Variants in VWCE observed in about 807,000 individuals in gnomAD.
VWCE encodes von Willebrand factor C and EGF domains.
A neutral mutation model predicts 102.9 loss-of-function variants in VWCE; 68 were observed. The ratio of observed to expected loss-of-function variants is 0.66; its 90% CI spans 0.54 to 0.81. VWCE has a LOEUF of 0.81. Ranked by LOEUF, VWCE falls within the 30% of genes least tolerant of loss-of-function variation. VWCE has a pLI of 0.00. For synonymous variants in VWCE, 497 were observed against 515.4 expected (o/e 0.96, Z 0.48); for missense variants, 1,137 against 1,263.6 (o/e 0.90, Z 1.52).
intron 14 of VWCE, 91 bp downstream of exon 14, chr11:61,271,584 C>A: frequency 1.5e-6 from 2 of 1,307,686 alleles, no homozygotes; most frequent in Admixed American, 4.0e-5. Context: ...CAGCCTGAGG[C>A]CAGCCTCTGG....
intron 11 of VWCE, 126 bp from the exon 12 acceptor site, chr11:61,274,710 C>T: frequency 5.8e-6 from 4 of 691,450 alleles, no homozygotes; most frequent in Non-Finnish European, 9.6e-6. Context: ...ACAGCATGCT[C>T]CGTGCCCAGG....
intron 15 of VWCE, 114 bp from the exon 16 acceptor site, chr11:61,267,658 C>G: frequency 1.1e-6 from 1 of 893,152 alleles, no homozygotes; most frequent in Non-Finnish European, 1.8e-6. Context: ...CATGTGCCTC[C>G]CCAGGCAGTC....
chr11:61,272,893 TAGAC>T (rs1378130690), intron 13 of VWCE, among the ~76,000 whole-genome samples: 1 of 147,534 alleles, frequency 6.8e-6, no homozygotes, highest in Non-Finnish European at 1.5e-5. Flanking sequence ...GAGAGACACA[TAGAC>T]ATACTACACA....
Position 61,276,669 on chromosome 11 carries a change from C to T in VWCE, c.1419G>A (p.Val473=), listed in dbSNP as rs1470114305. Reference sequence around the variant, plus strand: ...AAGGACACTCAGGAGAGATGCAGGACACGTTTCCAGCCTGAGGAGGAGGCA... The same window carrying T: ...AAGGACACTCAGGAGAGATGCAGGATACGTTTCCAGCCTGAGGAGGAGGCA... ...CTVCVCLAGN[V]SCISPECPSG... is the part of the protein sequence containing the mutation. The change falls in exon 11 of 20, where the codon GTG becomes GTA. Residue 473 remains valine (V), a synonymous_variant. Transcript: ENST00000335613. The T allele has an allele frequency of 1.9e-6, 3 of 1,604,140 alleles. No individual in the cohort carries two copies. The highest frequency in any genetic ancestry group is 1.7e-5 in the Admixed American group (1 of 59,136).
At position 61,258,591 on chromosome 11, in the gene VWCE, G is replaced by A; in HGVS notation, c.*84C>T. 1 of 1,284,174 alleles carries A rather than the reference G, an allele frequency of 7.8e-7. No homozygotes were observed. The highest frequency in any genetic ancestry group is 3.4e-5 in the South Asian group (1 of 29,836). 79.5% of individuals were successfully genotyped at this position (1,284,174 alleles called of 1,614,324 possible). On this transcript the variant is annotated 3_prime_UTR_variant, in exon 20 of 20. Coordinates refer to ENST00000335613, the MANE Select transcript of VWCE (RefSeq NM_152718.2). ...GAGGGAGCCCAGGCATCCCCACCAG[G>A]TTCATCCTTGGAGCTGCCCTGCACA...
intron 5 of VWCE, among the ~76,000 whole-genome samples, chr11:61,285,110 T>C (rs996768466): frequency 6.6e-6 from 1 of 152,016 alleles, no homozygotes; most frequent in African/African-American, 2.4e-5. Flanking sequence ...ACTATGAGAA[T>C]CAATGTCAGT....
Position 61,278,457 on chromosome 11 carries a change from G to C in VWCE, c.1344C>G (p.Val448=). The change falls in exon 10 of 20, where the codon GTC becomes GTG. Residue 448 remains valine, a synonymous_variant. Coordinates refer to ENST00000335613, the MANE Select transcript of VWCE (RefSeq NM_152718.2). The part of the protein sequence containing the change: ...PSCTGCFHSG[V]VRAEGDVFSP... ...AAAACACATCCCCTTCAGCTCGGAC[G>C]ACACCACTGTGAAAACAGCCTTTGA... 6.2e-7 allele frequency: 1 copy of C among 1,614,088 alleles called. No homozygotes were observed. The highest frequency in any genetic ancestry group is 8.5e-7 in the Non-Finnish European group (1 of 1,180,018).
At chr11:61,276,761 A>T (rs948655276) in intron 10 of VWCE, 81 bp from the exon 11 acceptor site, 1 of 1,161,422 alleles carries the variant, frequency 8.6e-7, no homozygotes, top group African/African-American at 1.6e-5. Flanking sequence ...GGCCCTTCGA[A>T]CAGGAAAGCT....
rs1384444128 is a variant in VWCE at position 61,278,393 on chromosome 11, C to A, written c.1407+1G>T. 6.2e-7 allele frequency: 1 copy of A among 1,613,974 alleles called. No individual in the cohort carries two copies. Among genetic ancestry groups the A allele is most frequent in the Non-Finnish European group, 8.5e-7 (1 of 1,180,010 alleles). On this transcript the variant is annotated splice_donor_variant, in intron 10 of 19. Coordinates refer to ENST00000335613, the MANE Select transcript of VWCE (RefSeq NM_152718.2). LOFTEE classifies it high-confidence loss of function. ...GGCTTTGAGGATCTTGTGACGCTTA[C>A]CAGACAGACACAGACGGTGCAGTTC... is the stretch of plus-strand genomic sequence containing the variant.
chr11:61,289,384 G>A (rs569177378), intron 4 of VWCE, among the ~76,000 whole-genome samples: 10 of 152,018 alleles, frequency 6.6e-5, no homozygotes, highest in South Asian at 4.2e-4. Context: ...CTGAGTAGCC[G>A]GGATTACAGG....
intron 15 of VWCE, among the ~76,000 whole-genome samples, chr11:61,268,703 C>A (rs1376915690): frequency 6.6e-6 from 1 of 152,232 alleles, no homozygotes; most frequent in Non-Finnish European, 1.5e-5. Context: ...CCTGTACCAC[C>A]CACCTGCACC....
chr11:61,280,196 G>T (rs1379610678), intron 9 of VWCE, among the ~76,000 whole-genome samples: 1 of 152,118 alleles, frequency 6.6e-6, no homozygotes, highest in African/African-American at 2.4e-5. Context: ...GCAGAATTTA[G>T]AAACAACTAC....
Position 61,278,423 on chromosome 11 carries a change from T to C in VWCE, c.1378A>G (p.Asn460Asp), listed in dbSNP as rs756493978. 5 of 1,614,172 alleles carry C rather than the reference T, an allele frequency of 3.1e-6. No homozygotes were observed. Among genetic ancestry groups the C allele is most frequent in the South Asian group, 1.1e-5 (1 of 91,082 alleles). ...RAEGDVFSPPNENCTVCVCLA... is the reference protein window; with the variant it reads ...RAEGDVFSPPDENCTVCVCLA... ...CAGACACAGACGGTGCAGTTCTCAT[T>C]GGGAGGTGAAAACACATCCCCTTCA... Residue 460 changes from asparagine to aspartate, a missense_variant, in exon 10 of 20, where the codon AAT becomes GAT. Physicochemically the swap from Asn to Asp is conservative, Grantham distance 23. This residue lies in a region of VWCE where 575 missense variants were observed against 625.9 expected (regional missense o/e 0.92). Transcript: ENST00000335613.
At chr11:61,260,287 T>TG (rs1163537341) in intron 19 of VWCE, among the ~76,000 whole-genome samples, 1 of 151,204 alleles carries the variant, frequency 6.6e-6, no homozygotes, top group Non-Finnish European at 1.5e-5. Flanking sequence ...TTTTTTGGGG[T>TG]GGGGGGGACA....
chr11:61,292,646 A>C (rs1855540687), intron 1 of VWCE, among the ~76,000 whole-genome samples: 1 of 152,222 alleles, frequency 6.6e-6, no homozygotes, highest in Non-Finnish European at 1.5e-5. Flanking sequence ...GCAGGAAGCC[A>C]GATGCATCCA....
In VWCE at chr11:61,294,954, CT is replaced by C. The variant is rs1442894285; in HGVS notation, c.83del (p.Lys28SerfsTer104). ...TCTCGGCCGCGAAGTGCCCGGGCGGCTTCCTCCCGGTGTAGCCTCGGGCTGG... is the reference window on the plus strand; with the variant it reads ...TCTCGGCCGCGAAGTGCCCGGGCGGCTCCTCCCGGTGTAGCCTCGGGCTGG... ...GAPARGYTGR[K>X]PPGHFAAERR... On this transcript the variant is annotated frameshift_variant, in exon 1 of 20. Coordinates refer to ENST00000335613, the MANE Select transcript of VWCE (RefSeq NM_152718.2). LOFTEE classifies it high-confidence loss of function. This position sits in a 1 kb window ranked among gnomAD's most constrained non-coding sequence, Gnocchi z 6.3. The C allele has an allele frequency of 6.9e-7, 1 of 1,457,490 alleles. No individual in the cohort carries two copies. The highest frequency in any genetic ancestry group is 1.3e-5 in the South Asian group (1 of 76,224). 90.3% of individuals were successfully genotyped at this position (1,457,490 alleles called of 1,614,324 possible).
At chr11:61,285,352 T>C (rs1296056420) in intron 5 of VWCE, among the ~76,000 whole-genome samples, 1 of 152,170 alleles carries the variant, frequency 6.6e-6, no homozygotes, top group East Asian at 1.9e-4. Flanking sequence ...CTTTCCATAA[T>C]GTGTAAATAA....
At chr11:61,268,673 A>G (rs566420913) in intron 15 of VWCE, among the ~76,000 whole-genome samples, 206 of 152,330 alleles carry the variant, frequency 1.4e-3, no homozygotes, top group African/African-American at 4.5e-3. Context: ...CTGTTCTCCA[A>G]TTGTCTCACA....
chr11:61,286,566 G>A (rs531852990), intron 4 of VWCE, 136 bp from the exon 5 acceptor site: 52 of 743,130 alleles, frequency 7.0e-5, no homozygotes, highest in Non-Finnish European at 1.1e-4. Flanking sequence ...ACTTTGGGAG[G>A]CCGAGGCCCA....
Sources: allele counts gnomAD v4.1 joint callset (sites outside exome capture counted in the v4.1 genomes callset), GRCh38; gene constraint gnomAD v4.1.1; regional missense constraint gnomAD v4.1.1; non-coding constraint Gnocchi (gnomAD v3.1); transcripts MANE v1.5; gene names NCBI Gene and HGNC (gene_info 2026-07-23, HGNC 2026-07-21).